The following NINL variants were observed in gnomAD, a reference collection of about 807,000 sequenced individuals.
The protein encoded by NINL is ninein like.
In NINL, 153 loss-of-function variants were observed where a neutral mutation model predicts 160.3. The ratio of observed to expected loss-of-function variants is 0.95; its 90% CI spans 0.84 to 1.09. The LOEUF (loss-of-function observed/expected upper bound fraction) is 1.09, where lower values mean the gene tolerates loss of function less well. Ranked by LOEUF, NINL falls within the 50% of genes least tolerant of loss-of-function variation. The probability of loss-of-function intolerance (pLI) is 0.00; values close to 1 mark genes in which losing one functional copy is unlikely to be tolerated. For missense variants in NINL, 1,829 were observed against 1,764.0 expected (o/e 1.04, Z -0.66); for synonymous variants, 800 against 734.8 (o/e 1.09, Z -1.43).
At chr20:25,478,463 A>C (rs1453559583) in intron 16 of NINL, among the ~76,000 whole-genome samples, 5 of 152,164 alleles carry the variant, frequency 3.3e-5, no homozygotes, top group Non-Finnish European at 4.4e-5. Flanking sequence ...AGAACACATA[A>C]AACACCAGCA....
chr20:25,573,460 G>A (rs923830312), intron 1 of NINL, among the ~76,000 whole-genome samples: 2 of 152,090 alleles, frequency 1.3e-5, no homozygotes, highest in Non-Finnish European at 2.9e-5. Context: ...CAACACTGAT[G>A]CTCTTCTACG....
chr20:25,499,447 A>C (rs1043376552), intron 8 of NINL, among the ~76,000 whole-genome samples: 2 of 152,180 alleles, frequency 1.3e-5, no homozygotes, highest in Non-Finnish European at 2.9e-5. Flanking sequence ...GGGCAGAGGC[A>C]ACATGCACTC....
At chr20:25,484,309 C>T (rs762989470) in intron 13 of NINL, among the ~76,000 whole-genome samples, 4 of 152,148 alleles carry the variant, frequency 2.6e-5, no homozygotes, top group Admixed American at 2.0e-4. Context: ...GGAGACCGAC[C>T]AGAAAGATGC....
At chr20:25,506,052 A>G (rs1231160478) in intron 5 of NINL, among the ~76,000 whole-genome samples, 1 of 152,190 alleles carries the variant, frequency 6.6e-6, no homozygotes, top group Non-Finnish European at 1.5e-5. Context: ...TCACGAGGTC[A>G]GGAGTTCAAG....
At chr20:25,461,728 A>G (rs1286028103) in intron 20 of NINL, 93 bp from the exon 21 acceptor site, 1 of 861,540 alleles carries the variant, frequency 1.2e-6, no homozygotes. Flanking sequence ...ACAGAAAAGA[A>G]AAAAAGTACA....
At position 25,467,451 on chromosome 20, in the gene NINL, T is replaced by C; in HGVS notation, c.3361A>G (p.Ile1121Val). Residue 1121 changes from isoleucine (I) to valine (V), a missense_variant, in exon 19 of 24, where the codon ATT (isoleucine) becomes GTT (valine). Coordinates refer to ENST00000278886, the MANE Select transcript of NINL (RefSeq NM_025176.6). ...ESTHDAQRKE[I>V]EVLKKDKEKA... ...TCCTTGTCTTTCTTTAAAACCTCAATTTCCTTCCTGTTGAAGAAGCACAAT... is the reference window on the plus strand; with the variant it reads ...TCCTTGTCTTTCTTTAAAACCTCAACTTCCTTCCTGTTGAAGAAGCACAAT... The C allele has an allele frequency of 6.2e-7, 1 of 1,613,758 alleles. No individual in the cohort carries two copies. The highest frequency in any genetic ancestry group is 8.5e-7 in the Non-Finnish European group (1 of 1,179,580).
rs908206748 is a variant in NINL, at chr20:25,533,134, C to T, written c.-11-6536G>A. Among the ~76,000 whole-genome samples, 4 of 152,122 alleles carry T rather than the reference C, an allele frequency of 2.6e-5. No homozygotes were observed. In the East Asian group the frequency reaches 7.7e-4, roughly 29 times the overall value. On this transcript the variant is annotated intron_variant, in intron 1 of 23. Coordinates refer to ENST00000278886, the MANE Select transcript of NINL (RefSeq NM_025176.6). Reference sequence around the variant, plus strand: ...ACACGACAGCAGACAAACCATGAACCCCGCAGAACTGTGGAGGGTCTCAGA... The same window carrying T: ...ACACGACAGCAGACAAACCATGAACTCCGCAGAACTGTGGAGGGTCTCAGA...
At chr20:25,527,653 T>C (rs1428953915) in intron 1 of NINL, among the ~76,000 whole-genome samples, 4 of 152,112 alleles carry the variant, frequency 2.6e-5, no homozygotes, top group Non-Finnish European at 5.9e-5. Context: ...ATATAATTAA[T>C]AACCATCTAA....
intron 19 of NINL, among the ~76,000 whole-genome samples, chr20:25,464,366 G>T (rs1485206099): frequency 6.6e-6 from 1 of 152,126 alleles, no homozygotes; most frequent in African/African-American, 2.4e-5. Flanking sequence ...GCAGTGAGCT[G>T]ATATTGCACC....
At position 25,562,785 on chromosome 20, in the gene NINL, C is replaced by A. The variant is rs866154912; in HGVS notation, c.-12+22670G>T. On this transcript the variant is annotated intron_variant, in intron 1 of 23. Coordinates refer to ENST00000278886, the MANE Select transcript of NINL (RefSeq NM_025176.6). ...AGAATGATCAATAAAAAAAAAAAAACAAAAACAAAAACAAAGTTCTTCAGA... is the reference window on the plus strand; with the variant it reads ...AGAATGATCAATAAAAAAAAAAAAAAAAAAACAAAAACAAAGTTCTTCAGA... Among the ~76,000 whole-genome samples the A allele has an allele frequency of 4.6e-3, 693 of 150,808 alleles. 3 individuals are homozygous for A. Among genetic ancestry groups the A allele is most frequent in the Non-Finnish European group, 5.3e-3 (358 of 67,668 alleles).
At chr20:25,540,493 C>T (rs931115724) in intron 1 of NINL, among the ~76,000 whole-genome samples, 2 of 152,148 alleles carry the variant, frequency 1.3e-5, no homozygotes, top group African/African-American at 4.8e-5. Context: ...CTATGCCCCC[C>T]AGAATCCACC....
chr20:25,475,509 A>C (rs970257724), intron 17 of NINL, among the ~76,000 whole-genome samples: 2 of 152,190 alleles, frequency 1.3e-5, no homozygotes, highest in Non-Finnish European at 2.9e-5. Flanking sequence ...TAAAATCCTC[A>C]ACAAAATACT....
chr20:25,492,330 C>T (rs2063658090), intron 10 of NINL, among the ~76,000 whole-genome samples: 1 of 152,170 alleles, frequency 6.6e-6, no homozygotes, highest in Non-Finnish European at 1.5e-5. Flanking sequence ...TTCCTATCAG[C>T]CTACTCTTTA....
chr20:25,530,791 T>C lies in NINL; in HGVS notation c.-11-4193A>G, dbSNP rs182507321. On this transcript the variant is annotated intron_variant, in intron 1 of 23. Coordinates refer to ENST00000278886, the MANE Select transcript of NINL (RefSeq NM_025176.6). Reference sequence around the variant, plus strand: ...AGAGATCACGTGCTTCATAAGGTAATAGAATATCACAAGGCAAATGGAGGC... The same window carrying C: ...AGAGATCACGTGCTTCATAAGGTAACAGAATATCACAAGGCAAATGGAGGC... Among the ~76,000 whole-genome samples, 5 of 152,024 alleles carry C rather than the reference T, an allele frequency of 3.3e-5. No homozygotes were observed. The East Asian group carries it at 5.8e-4, about 18-fold the overall frequency.
At chr20:25,571,384 C>T (rs1028694631) in intron 1 of NINL, among the ~76,000 whole-genome samples, 5 of 152,300 alleles carry the variant, frequency 3.3e-5, no homozygotes, top group African/African-American at 1.2e-4. Context: ...GCCTGGCCAG[C>T]CCAGACCCTC....
intron 1 of NINL, among the ~76,000 whole-genome samples, chr20:25,527,393 A>T (rs1164500687): frequency 1.3e-5 from 2 of 152,172 alleles, no homozygotes. Context: ...ACCTCAAGTG[A>T]TCGCCTGCCT....
At chr20:25,539,981 C>A in intron 1 of NINL, 1 of 1,275,846 alleles carries the variant, frequency 7.8e-7, no homozygotes, top group Non-Finnish European at 1.0e-6. Context: ...TCAGTGCAGC[C>A]TCACAACAAG....
At chr20:25,488,733 A>T (rs2063556313) in intron 13 of NINL, among the ~76,000 whole-genome samples, 1 of 152,050 alleles carries the variant, frequency 6.6e-6, no homozygotes, top group Non-Finnish European at 1.5e-5. Context: ...AAAATAGGCT[A>T]TTTATGTTAA....
In NINL at chr20:25,455,695, T is replaced by A; in HGVS notation, c.3935A>T (p.Lys1312Ile). The A allele has an allele frequency of 1.9e-6, 3 of 1,613,972 alleles. No individual in the cohort carries two copies. The highest frequency in any genetic ancestry group is 2.2e-5 in the South Asian group (2 of 91,078). ...CACCTGCTCCTTCAGCTTATCCACT[T>A]TCTCTTGGAGGAGCATTTCCATATT... Reference protein sequence around the residue: ...LKNMEMLLQEKVDKLKEQFEK... With the variant: ...LKNMEMLLQEIVDKLKEQFEK... The change falls in exon 23 of 24, where the codon AAA becomes ATA. Residue 1312 changes from lysine (K) to isoleucine (I), a missense_variant. Lys to Ile is a moderately radical substitution (Grantham distance 102). Coordinates refer to ENST00000278886, the MANE Select transcript of NINL (RefSeq NM_025176.6).
Sources: gnomAD v4.1 joint callset for allele counts (sites outside exome capture counted in the v4.1 genomes callset) on GRCh38, gnomAD v4.1.1 for gene constraint, MANE v1.5 for transcripts, NCBI Gene and HGNC (gene_info 2026-07-23, HGNC 2026-07-21) for gene names.